NCOA2: variants seen among roughly 807,000 people sequenced by gnomAD.
NCOA2 encodes the protein nuclear receptor coactivator 2.
In NCOA2, 21 loss-of-function variants were observed where a neutral mutation model predicts 145.1. That is an observed-to-expected ratio of 0.14 (90% CI 0.10 to 0.21). NCOA2 has a LOEUF of 0.21. Among genes scored for constraint, NCOA2 ranks in the 10% least tolerant of loss-of-function variants. The pLI is 1.00. For missense variants in NCOA2, 1,472 were observed against 1,837.6 expected (o/e 0.80, Z 3.64); for synonymous variants, 619 against 637.5 (o/e 0.97, Z 0.44).
At chr8:70,114,396 T>C (rs1316849403) in intron 22 of NCOA2, among the ~76,000 whole-genome samples, 5 of 152,372 alleles carry the variant, frequency 3.3e-5, no homozygotes, top group East Asian at 3.9e-4. Context: ...CCAAAGGTTA[T>C]AGTGAGCAAA....
chr8:70,319,393 T>G (rs1470008548), intron 1 of NCOA2, among the ~76,000 whole-genome samples: 1 of 151,604 alleles, frequency 6.6e-6, no homozygotes, highest in African/African-American at 2.4e-5. Context: ...AATACAAAAA[T>G]TTGCCAGGCA....
intron 15 of NCOA2, among the ~76,000 whole-genome samples, chr8:70,136,451 G>GA (rs981931128): frequency 6.6e-6 from 1 of 150,810 alleles, no homozygotes; most frequent in Admixed American, 6.6e-5. Flanking sequence ...TATTTCAAGA[G>GA]AAAACCCCTT....
chr8:70,364,011 TG>T (rs1287829263), intron 1 of NCOA2, among the ~76,000 whole-genome samples: 1 of 134,454 alleles, frequency 7.4e-6, no homozygotes, highest in African/African-American at 2.8e-5. Flanking sequence ...GATACAACAA[TG>T]AAAAAAAAAA....
chr8:70,322,322 T>A (rs1806151734), intron 1 of NCOA2, among the ~76,000 whole-genome samples: 1 of 152,202 alleles, frequency 6.6e-6, no homozygotes, highest in Non-Finnish European at 1.5e-5. Context: ...TAATATATGT[T>A]CATTCCTATG....
intron 1 of NCOA2, among the ~76,000 whole-genome samples, chr8:70,341,717 G>A (rs914140722): frequency 2.0e-5 from 3 of 152,110 alleles, no homozygotes; most frequent in Non-Finnish European, 2.9e-5. Flanking sequence ...CTCTTTTAAT[G>A]AGTGAATTCT....
intron 22 of NCOA2, among the ~76,000 whole-genome samples, chr8:70,117,262 C>G (rs1352693870): frequency 6.6e-6 from 1 of 152,214 alleles, no homozygotes; most frequent in African/African-American, 2.4e-5. Flanking sequence ...CACCAGTTCT[C>G]TAAGTCTTCA....
In NCOA2 at chr8:70,123,962, G is replaced by C; in HGVS notation, c.4215C>G (p.Asn1405Lys). The C allele has an allele frequency of 6.2e-7, 1 of 1,613,990 alleles. No individual in the cohort carries two copies. The highest frequency in any genetic ancestry group is 8.5e-7 in the Non-Finnish European group (1 of 1,179,882). ...TCATGCTGATCTGTCCTGTCATCTG[G>C]TTCATGCTGCTCATGCCACCTGTGT... is the stretch of plus-strand genomic sequence containing the variant. The part of the protein sequence containing the change: ...ATNTGGMSSM[N>K]QMTGQISMTS... The change falls in exon 21 of 23, where the codon AAC becomes AAG. Residue 1405 changes from asparagine (N) to lysine (K), a missense_variant. Physicochemically the swap from Asn to Lys is moderately conservative, Grantham distance 94. This residue lies in a region of NCOA2 where 232 missense variants were observed against 290.6 expected (regional missense o/e 0.80). Transcript: ENST00000452400.
intron 4 of NCOA2, among the ~76,000 whole-genome samples, chr8:70,193,874 C>G (rs1816965520): frequency 6.6e-6 from 1 of 151,242 alleles, no homozygotes; most frequent in Non-Finnish European, 1.5e-5. Context: ...TGTTTGCTAT[C>G]TGGTGTTAAC....
intron 2 of NCOA2, among the ~76,000 whole-genome samples, chr8:70,265,288 T>C (rs1288663411): frequency 6.6e-6 from 1 of 152,192 alleles, no homozygotes; most frequent in South Asian, 2.1e-4. Context: ...AAGGCCACCA[T>C]GTGTAAGACA....
intron 1 of NCOA2, among the ~76,000 whole-genome samples, chr8:70,349,012 G>A (rs1808931620): frequency 7.1e-6 from 1 of 140,036 alleles, no homozygotes; most frequent in Non-Finnish European, 1.5e-5. Context: ...ATGGCAGTGG[G>A]GGATGGGAGG....
intron 2 of NCOA2, among the ~76,000 whole-genome samples, chr8:70,226,387 T>G (rs1820638039): frequency 6.6e-6 from 1 of 152,050 alleles, no homozygotes; most frequent in East Asian, 1.9e-4. Context: ...TAAAGTAACC[T>G]GCTCTTTGGA....
intron 1 of NCOA2, among the ~76,000 whole-genome samples, chr8:70,379,541 T>G (rs1252156704): frequency 6.6e-6 from 1 of 152,218 alleles, no homozygotes; most frequent in Non-Finnish European, 1.5e-5. Flanking sequence ...CAGCAGTTCA[T>G]GTTGTCACTG....
chr8:70,278,841 C>T (rs1351557790), intron 2 of NCOA2, among the ~76,000 whole-genome samples: 1 of 151,978 alleles, frequency 6.6e-6, no homozygotes, highest in African/African-American at 2.4e-5. Context: ...TGGTGTGCAC[C>T]TGTAATCCCA....
At chr8:70,125,705 CTTGTT>C (rs1808335784) in intron 19 of NCOA2, among the ~76,000 whole-genome samples, 1 of 152,098 alleles carries the variant, frequency 6.6e-6, no homozygotes, top group Non-Finnish European at 1.5e-5. Context: ...TCATGGTTAG[CTTGTT>C]TTGTCTTTAT....
intron 4 of NCOA2, among the ~76,000 whole-genome samples, chr8:70,194,297 G>T (rs1454220002): frequency 6.6e-6 from 1 of 152,088 alleles, no homozygotes; most frequent in African/African-American, 2.4e-5. Flanking sequence ...ACTGCATACG[G>T]TCTTGTATAT....
intron 1 of NCOA2, among the ~76,000 whole-genome samples, chr8:70,403,018 C>T (rs999830275): frequency 6.8e-6 from 1 of 147,628 alleles, no homozygotes; most frequent in Non-Finnish European, 1.5e-5. Flanking sequence ...CCCGGGCCAC[C>T]CGCCGGGCCG....
chr8:70,332,961 G>C (rs773523763), intron 1 of NCOA2, among the ~76,000 whole-genome samples: 3 of 152,284 alleles, frequency 2.0e-5, no homozygotes, highest in East Asian at 3.9e-4. Context: ...GATTAGGCCT[G>C]AAAGGTAAAT....
chr8:70,265,864 G>A (rs1056742850), intron 2 of NCOA2, among the ~76,000 whole-genome samples: 8 of 151,928 alleles, frequency 5.3e-5, no homozygotes, highest in Admixed American at 3.3e-4. Flanking sequence ...AGACAGAGTC[G>A]GCTGGGCGTG....
chr8:70,170,514 CCA>C (rs1814130895), intron 5 of NCOA2, 135 bp from the exon 6 acceptor site: 2 of 735,620 alleles, frequency 2.7e-6, no homozygotes, highest in Non-Finnish European at 4.1e-6. Context: ...CAGCCCTCTC[CCA>C]GTTTTCAGGA....
Sources: gnomAD v4.1 joint callset for allele counts (sites outside exome capture counted in the v4.1 genomes callset) on GRCh38, gnomAD v4.1.1 for gene constraint, gnomAD v4.1.1 regional missense constraint, MANE v1.5 for transcripts, NCBI Gene and HGNC (gene_info 2026-07-23, HGNC 2026-07-21) for gene names.